The following GPC6 variants were observed in gnomAD, a reference collection of about 807,000 sequenced individuals.
The protein encoded by GPC6 is glypican-6.
A neutral mutation model predicts 55.2 loss-of-function variants in GPC6; 14 were observed. The ratio of observed to expected loss-of-function variants is 0.25; its 90% CI spans 0.17 to 0.40. The LOEUF (loss-of-function observed/expected upper bound fraction) is 0.40, where lower values mean the gene tolerates loss of function less well. Among genes scored for constraint, GPC6 ranks in the 10% least tolerant of loss-of-function variants. The probability of loss-of-function intolerance (pLI) is 1.00; values close to 1 mark genes in which losing one functional copy is unlikely to be tolerated. For missense variants in GPC6, 641 were observed against 708.5 expected, an observed-to-expected ratio of 0.90 and a Z score of 1.08; for synonymous variants, 278 against 259.6, an observed-to-expected ratio of 1.07 and a Z score of -0.68.
intron 4 of GPC6, among the ~76,000 whole-genome samples, chr13:94,233,230 A>T (rs1326660357): frequency 6.6e-6 from 1 of 152,012 alleles, no homozygotes; most frequent in East Asian, 1.9e-4. Context: ...GGATGGAGAG[A>T]ATTATGTAAA....
intron 4 of GPC6, among the ~76,000 whole-genome samples, chr13:94,259,551 TG>T (rs1211684345): frequency 6.6e-6 from 1 of 152,186 alleles, no homozygotes; most frequent in Non-Finnish European, 1.5e-5. Flanking sequence ...TATGATTCAG[TG>T]GCATTAAGAA....
At chr13:93,247,005 CTT>C (rs963128876) in intron 1 of GPC6, among the ~76,000 whole-genome samples, 5 of 140,770 alleles carry the variant, frequency 3.6e-5, no homozygotes, top group Admixed American at 7.1e-5. Context: ...TTTTTCTTTT[CTT>C]TTTTTTTTTA....
At chr13:93,376,818 A>G (rs1874921594) in intron 1 of GPC6, among the ~76,000 whole-genome samples, 1 of 149,314 alleles carries the variant, frequency 6.7e-6, no homozygotes, top group African/African-American at 2.5e-5. Context: ...AATGATATAT[A>G]TAAAATGTCC....
chr13:93,629,045 A>AAC (rs1189212730), intron 2 of GPC6, among the ~76,000 whole-genome samples: 4 of 119,642 alleles, frequency 3.3e-5, no homozygotes, highest in Non-Finnish European at 8.1e-5. Flanking sequence ...AGAAAAAAAA[A>AAC]AAACAAAAAA....
intron 3 of GPC6, among the ~76,000 whole-genome samples, chr13:93,964,215 A>G (rs770412552): frequency 6.6e-6 from 1 of 152,232 alleles, no homozygotes; most frequent in Non-Finnish European, 1.5e-5. Context: ...TTAGCTGTGA[A>G]TGTTAGATTG....
At position 94,333,579 on chromosome 13, in the gene GPC6, A is replaced by G. The variant is rs116897596; in HGVS notation, c.1152+27456A>G. The stretch of plus-strand genomic sequence containing the variant: ...AACTTATGGCCAAATTAGTAAATGA[A>G]ATGTGTAAGACATTGGGCAGTTTTG... On this transcript the variant is annotated intron_variant, in intron 6 of 8. Coordinates refer to ENST00000377047, the MANE Select transcript of GPC6 (RefSeq NM_005708.5). Among the ~76,000 whole-genome samples, 316 of 152,330 alleles carry G rather than the reference A, an allele frequency of 2.1e-3. 11 individuals are homozygous for G. The East Asian group carries it at 0.048, about 23-fold the overall frequency.
At chr13:93,543,102 A>G (rs540507315) in intron 1 of GPC6, among the ~76,000 whole-genome samples, 3 of 147,062 alleles carry the variant, frequency 2.0e-5, no homozygotes, top group Non-Finnish European at 4.5e-5. Context: ...GTCTTGTGCC[A>G]GTTTTCAAAG....
At chr13:93,845,173 T>G (rs1038438556) in intron 3 of GPC6, among the ~76,000 whole-genome samples, 28 of 152,108 alleles carry the variant, frequency 1.8e-4, no homozygotes, top group African/African-American at 6.8e-4. Context: ...TTTTTCCAAC[T>G]CTGTGAACAG....
intron 3 of GPC6, among the ~76,000 whole-genome samples, chr13:93,901,825 C>T (rs868299599): frequency 1.8e-4 from 27 of 151,028 alleles, no homozygotes; most frequent in Admixed American, 1.1e-3. Flanking sequence ...CACTTGAACC[C>T]TGGAAGTGGA....
chr13:94,240,046 G>A (rs748726561), intron 4 of GPC6, among the ~76,000 whole-genome samples: 17 of 152,058 alleles, frequency 1.1e-4, no homozygotes, highest in African/African-American at 3.4e-4. Context: ...GGTATTTGAG[G>A]GTGTTCATAG....
chr13:93,354,523 T>A (rs1230465044), intron 1 of GPC6, among the ~76,000 whole-genome samples: 111 of 149,644 alleles, frequency 7.4e-4, no homozygotes, highest in Non-Finnish European at 4.5e-4. Context: ...GCTATTATTT[T>A]TTTTTTTTTT....
intron 1 of GPC6, among the ~76,000 whole-genome samples, chr13:93,270,880 GT>G (rs1181816952): frequency 6.6e-6 from 1 of 152,194 alleles, no homozygotes; most frequent in Non-Finnish European, 1.5e-5. Flanking sequence ...GGAGATTAAA[GT>G]GACAGATGGA....
chr13:93,717,364 T>C (rs1208414988), intron 2 of GPC6, among the ~76,000 whole-genome samples: 2 of 151,624 alleles, frequency 1.3e-5, no homozygotes, highest in Non-Finnish European at 3.0e-5. Flanking sequence ...TAAATAAATA[T>C]GTAGGTGTGT....
At chr13:93,746,950 A>G (rs1477816857) in intron 2 of GPC6, among the ~76,000 whole-genome samples, 1 of 152,222 alleles carries the variant, frequency 6.6e-6, no homozygotes, top group Non-Finnish European at 1.5e-5. Flanking sequence ...TTTGCAAGAA[A>G]ATTTTGAAGA....
chr13:93,312,502 T>C (rs1363294324), intron 1 of GPC6, among the ~76,000 whole-genome samples: 1 of 152,198 alleles, frequency 6.6e-6, no homozygotes, highest in Non-Finnish European at 1.5e-5. Context: ...TTAATCAGTA[T>C]CCTGCTTTCT....
intron 2 of GPC6, among the ~76,000 whole-genome samples, chr13:93,681,658 G>T (rs1881849849): frequency 6.6e-6 from 1 of 152,000 alleles, no homozygotes. Flanking sequence ...ATTTATCATA[G>T]CAATTTCAAT....
In GPC6 at chr13:93,227,718, G is replaced by T; in HGVS notation, c.160+102G>T. ...TCCTTCCCCCTGTTGCTGAGTTGGT[G>T]CTCACTTTCTGCCACCGCTATGGGA... On this transcript the variant is annotated intron_variant, in intron 1 of 8. Coordinates refer to ENST00000377047, the MANE Select transcript of GPC6 (RefSeq NM_005708.5). The surrounding 1 kb of genome is among the most constrained non-coding windows in gnomAD (Gnocchi z 4.3). 1.1e-6 allele frequency: 1 copy of T among 933,728 alleles called. No homozygotes were observed. The highest frequency in any genetic ancestry group is 1.6e-6 in the Non-Finnish European group (1 of 623,374). 57.8% of individuals were successfully genotyped at this position (933,728 alleles called of 1,614,324 possible). A position where few individuals can be genotyped will look rare whatever the true frequency, so the allele number is the denominator to read the frequency against.
chr13:93,926,819 A>C (rs1877884295), intron 3 of GPC6, among the ~76,000 whole-genome samples: 1 of 152,138 alleles, frequency 6.6e-6, no homozygotes, highest in Admixed American at 6.6e-5. Flanking sequence ...TTTTCTTTAA[A>C]TAGAAGACAG....
chr13:93,670,037 A>G (rs897193911), intron 2 of GPC6, among the ~76,000 whole-genome samples: 2 of 152,202 alleles, frequency 1.3e-5, no homozygotes, highest in African/African-American at 4.8e-5. Context: ...TAGAGTTCTC[A>G]CAACGGGACT....
Sources: allele counts gnomAD v4.1 joint callset (sites outside exome capture counted in the v4.1 genomes callset), GRCh38; gene constraint gnomAD v4.1.1; non-coding constraint Gnocchi (gnomAD v3.1); transcripts MANE v1.5; gene names NCBI Gene and HGNC (gene_info 2026-07-23, HGNC 2026-07-21).